The following GRID1 variants were observed in gnomAD, a reference collection of about 807,000 sequenced individuals.
GRID1 encodes the protein glutamate receptor ionotropic, delta-1.
Under a neutral mutation model 98.0 loss-of-function variants are expected in GRID1, and 28 were observed. The ratio of observed to expected loss-of-function variants is 0.29; its 90% CI spans 0.21 to 0.39. The LOEUF (loss-of-function observed/expected upper bound fraction) is 0.39, where lower values mean the gene tolerates loss of function less well. Ranked by LOEUF, GRID1 falls within the 10% of genes least tolerant of loss-of-function variation. The pLI is 1.00. For missense variants in GRID1, 1,111 were observed against 1,340.5 expected (o/e 0.83, Z 2.67); for synonymous variants, 553 against 538.5 (o/e 1.03, Z -0.37).
At chr10:85,939,880 A>G (rs1343523114) in intron 4 of GRID1, among the ~76,000 whole-genome samples, 1 of 152,078 alleles carries the variant, frequency 6.6e-6, no homozygotes, top group Non-Finnish European at 1.5e-5. Flanking sequence ...AGCCTGGCCA[A>G]CATGGTGAAA....
In GRID1 at chr10:86,010,748, G is replaced by T. The variant is rs1258367568; in HGVS notation, c.727-94509C>A. On this transcript the variant is annotated intron_variant, in intron 4 of 15. Transcript: ENST00000327946. ...CAGGAGAGTTGCTTGAACCTGGGAG[G>T]AAGAGGTTGCAGAGAGCTGAGATCT... Among the ~76,000 whole-genome samples, 3 of 150,062 alleles carry T rather than the reference G, an allele frequency of 2.0e-5. No homozygotes were observed. In the East Asian group the frequency reaches 5.9e-4, roughly 29 times the overall value.
chr10:86,241,683 G>A (rs1294867797), intron 2 of GRID1, among the ~76,000 whole-genome samples: 1 of 152,164 alleles, frequency 6.6e-6, no homozygotes, highest in Non-Finnish European at 1.5e-5. Flanking sequence ...TGAATAATAG[G>A]AATGAGCCTC....
chr10:85,666,208 A>G (rs1340612159), intron 12 of GRID1, among the ~76,000 whole-genome samples: 2 of 152,238 alleles, frequency 1.3e-5, no homozygotes, highest in Non-Finnish European at 2.9e-5. Flanking sequence ...TTTATAGGCA[A>G]GGACACTGAG....
intron 3 of GRID1, among the ~76,000 whole-genome samples, chr10:86,186,079 A>G (rs1448691259): frequency 6.6e-6 from 1 of 152,210 alleles, no homozygotes; most frequent in African/African-American, 2.4e-5. Flanking sequence ...TTAAACTAGA[A>G]ATTCAATTTC....
intron 2 of GRID1, among the ~76,000 whole-genome samples, chr10:86,256,811 T>G (rs913248678): frequency 1.3e-5 from 2 of 152,186 alleles, no homozygotes; most frequent in Non-Finnish European, 2.9e-5. Context: ...CTGGGCTCCC[T>G]TGCCCCTTGG....
intron 12 of GRID1, among the ~76,000 whole-genome samples, chr10:85,660,239 C>T (rs1840949922): frequency 6.6e-6 from 1 of 152,232 alleles, no homozygotes; most frequent in African/African-American, 2.4e-5. Flanking sequence ...GACCAGGATA[C>T]TGGCAGGATA....
chr10:86,138,870 G>C lies in GRID1; in HGVS notation c.675C>G (p.Arg225=). 1 of 1,614,240 alleles carries C rather than the reference G, an allele frequency of 6.2e-7. No homozygotes were observed. The highest frequency in any genetic ancestry group is 8.5e-7 in the Non-Finnish European group (1 of 1,180,026). The part of the protein sequence containing the change: ...EELNRYRDTL[R]RAILLLSPQG... ...GTGGGCTGAGCAGCAGGATGGCGCG[G>C]CGAAGCGTGTCCCGGTAGCGATTCA... Residue 225 remains arginine, a synonymous_variant, in exon 4 of 16, where the codon CGC becomes CGG. Transcript: ENST00000327946.
chr10:86,080,339 TA>T (rs1843948564), intron 4 of GRID1, among the ~76,000 whole-genome samples: 1 of 122,684 alleles, frequency 8.2e-6, no homozygotes, highest in South Asian at 2.8e-4. Context: ...GTGGAAAAAA[TA>T]AAAGAGAGAG....
chr10:86,127,924 G>A (rs1241368408), intron 4 of GRID1, among the ~76,000 whole-genome samples: 1 of 152,148 alleles, frequency 6.6e-6, no homozygotes, highest in Non-Finnish European at 1.5e-5. Context: ...CACCACCCCT[G>A]CACCAGGCCC....
intron 15 of GRID1, chr10:85,613,105 G>T: frequency 2.5e-6 from 1 of 394,280 alleles, no homozygotes; most frequent in South Asian, 3.8e-5. Flanking sequence ...GGCGGGGCAG[G>T]GTAGGGAAGG....
chr10:85,649,400 T>C (rs1843236981), intron 12 of GRID1, among the ~76,000 whole-genome samples: 3 of 152,202 alleles, frequency 2.0e-5, no homozygotes, highest in African/African-American at 7.2e-5. Flanking sequence ...ATTATTTATA[T>C]CTAATTGAAG....
chr10:86,349,355 C>G (rs1037410165), intron 2 of GRID1, among the ~76,000 whole-genome samples: 2 of 152,200 alleles, frequency 1.3e-5, no homozygotes, highest in Non-Finnish European at 2.9e-5. Context: ...ACCTGGAGCC[C>G]GGGTGAGCTT....
At chr10:85,932,665 T>C (rs1841871299) in intron 4 of GRID1, among the ~76,000 whole-genome samples, 1 of 152,202 alleles carries the variant, frequency 6.6e-6, no homozygotes, top group African/African-American at 2.4e-5. Flanking sequence ...GGGCAACCAA[T>C]CAGACTTGTC....
intron 4 of GRID1, among the ~76,000 whole-genome samples, chr10:86,019,131 A>G (rs970952916): frequency 5.3e-5 from 8 of 152,222 alleles, no homozygotes; most frequent in African/African-American, 1.7e-4. Flanking sequence ...AGGAAAAGAG[A>G]TAGGCAGCTT....
intron 5 of GRID1, among the ~76,000 whole-genome samples, chr10:85,897,700 T>G (rs917558779): frequency 6.6e-6 from 1 of 152,236 alleles, no homozygotes; most frequent in Non-Finnish European, 1.5e-5. Flanking sequence ...TAAATCAAGC[T>G]AATTAATTGA....
chr10:85,769,612 C>A (rs1382273632), intron 8 of GRID1, among the ~76,000 whole-genome samples: 1 of 152,214 alleles, frequency 6.6e-6, no homozygotes. Context: ...AATCGGGTCA[C>A]ACCCACCCCA....
chr10:85,834,356 A>T (rs919729632), intron 8 of GRID1, among the ~76,000 whole-genome samples: 4 of 152,198 alleles, frequency 2.6e-5, no homozygotes, highest in Non-Finnish European at 5.9e-5. Flanking sequence ...TCAACCATAA[A>T]TTCTGTCTGT....
chr10:86,096,970 A>G (rs1844229650), intron 4 of GRID1, among the ~76,000 whole-genome samples: 1 of 152,198 alleles, frequency 6.6e-6, no homozygotes, highest in Non-Finnish European at 1.5e-5. Context: ...TGTTACTGCA[A>G]CTTTATGCTC....
At chr10:86,267,362 G>A (rs757562557) in intron 2 of GRID1, among the ~76,000 whole-genome samples, 8 of 152,218 alleles carry the variant, frequency 5.3e-5, no homozygotes, top group Non-Finnish European at 1.0e-4. Flanking sequence ...GGACAACAGC[G>A]GTGATGGCAG....
Sources: allele counts gnomAD v4.1 joint callset (sites outside exome capture counted in the v4.1 genomes callset), GRCh38; gene constraint gnomAD v4.1.1; transcripts MANE v1.5; gene names NCBI Gene and HGNC (gene_info 2026-07-23, HGNC 2026-07-21).